Variants in ARMC2 observed in about 807,000 individuals in gnomAD.
The protein encoded by ARMC2 is armadillo repeat containing 2, also known as armadillo repeat-containing protein 2.
In ARMC2, 67 loss-of-function variants were observed where a neutral mutation model predicts 90.3. The observed-to-expected ratio is 0.74, with a 90% CI of 0.61 to 0.91. The LOEUF (loss-of-function observed/expected upper bound fraction) is 0.91. Ranked by LOEUF, ARMC2 falls within the 40% of genes least tolerant of loss-of-function variation. The pLI is 0.00. For missense variants in ARMC2, 920 were observed against 1,030.9 expected (o/e 0.89, Z 1.47); for synonymous variants, 393 against 393.0 (o/e 1.00, Z 0.00).
the ARMC2 span, among the ~76,000 whole-genome samples, chr6:109,032,377 G>A: frequency 1.3e-5 from 2 of 152,180 alleles, no homozygotes; most frequent in East Asian, 3.9e-4. Flanking sequence ...CCAGCACTTT[G>A]GGAGGCCGAG....
intron 10 of ARMC2, among the ~76,000 whole-genome samples, chr6:108,915,522 G>A (rs1041692406): frequency 1.3e-5 from 2 of 152,122 alleles, no homozygotes; most frequent in Non-Finnish European, 2.9e-5. Context: ...GAGTCATCTT[G>A]TTTTCCAAAA....
chr6:109,028,310 T>C, the ARMC2 span, among the ~76,000 whole-genome samples: 4 of 152,262 alleles, frequency 2.6e-5, no homozygotes, highest in Non-Finnish European at 5.9e-5. Context: ...TGTATCTGAC[T>C]ATCTTCCCAC....
At chr6:108,932,775 G>T (rs751008235) in intron 11 of ARMC2, among the ~76,000 whole-genome samples, 5 of 151,916 alleles carry the variant, frequency 3.3e-5, no homozygotes, top group African/African-American at 1.2e-4. Context: ...TGATCTGCCC[G>T]CCTCGGCCTC....
At chr6:109,029,954 CA>C in the ARMC2 span, among the ~76,000 whole-genome samples, 1 of 152,198 alleles carries the variant, frequency 6.6e-6, no homozygotes, top group African/African-American at 2.4e-5. Flanking sequence ...GGTTCTTAGA[CA>C]TTATTAACAT....
the ARMC2 span, among the ~76,000 whole-genome samples, chr6:109,045,754 AT>A: frequency 2.0e-5 from 3 of 152,216 alleles, no homozygotes; most frequent in Non-Finnish European, 4.4e-5. Flanking sequence ...ACTTACTAGT[AT>A]ATACCATAAC....
chr6:108,865,778 G>A (rs973608455), intron 3 of ARMC2, among the ~76,000 whole-genome samples: 3 of 151,982 alleles, frequency 2.0e-5, no homozygotes, highest in African/African-American at 7.2e-5. Context: ...CAGCACTTTG[G>A]GAGGCCAAGG....
chr6:109,013,581 G>T, the ARMC2 span, among the ~76,000 whole-genome samples: 1 of 152,176 alleles, frequency 6.6e-6, no homozygotes, highest in Non-Finnish European at 1.5e-5. Context: ...AGGTTAAAAG[G>T]CATAATCATA....
the ARMC2 span, among the ~76,000 whole-genome samples, chr6:109,037,144 A>G: frequency 1.3e-5 from 2 of 152,250 alleles, no homozygotes; most frequent in Admixed American, 6.5e-5. Flanking sequence ...CCATAAGTCC[A>G]GAAAAACAAG....
At chr6:108,889,681 G>A (rs1415824858) in intron 5 of ARMC2, among the ~76,000 whole-genome samples, 3 of 151,324 alleles carry the variant, frequency 2.0e-5, no homozygotes, top group Non-Finnish European at 2.9e-5. Context: ...ACTCCTAGGT[G>A]CAAGTGATCG....
intron 4 of ARMC2, among the ~76,000 whole-genome samples, chr6:108,870,633 A>G (rs556866447): frequency 1.3e-5 from 2 of 152,182 alleles, no homozygotes; most frequent in South Asian, 4.1e-4. Flanking sequence ...GGAGGGAGGA[A>G]GGAAGGAAGA....
chr6:108,985,854 A>ATAAG, the ARMC2 span, among the ~76,000 whole-genome samples: 205 of 152,360 alleles, frequency 1.3e-3, 2 homozygotes, highest in African/African-American at 4.7e-3. Context: ...TAATGCACTT[A>ATAAG]TAAGTAAGTT....
the ARMC2 span, among the ~76,000 whole-genome samples, chr6:109,000,919 T>C: frequency 6.6e-6 from 1 of 152,188 alleles, no homozygotes; most frequent in Non-Finnish European, 1.5e-5. Context: ...TTTATCTATA[T>C]ACTTTCAGAA....
intron 8 of ARMC2, among the ~76,000 whole-genome samples, chr6:108,904,770 G>A (rs939547184): frequency 1.3e-5 from 2 of 152,172 alleles, no homozygotes; most frequent in African/African-American, 4.8e-5. Context: ...GTAGCAGATG[G>A]TGCAGGCAGT....
chr6:109,011,710 CCTTGACCT>C, the ARMC2 span, among the ~76,000 whole-genome samples: 4 of 151,312 alleles, frequency 2.6e-5, no homozygotes, highest in South Asian at 8.3e-4. Context: ...TTCACTGCAG[CCTTGACCT>C]CCAGGGCTCA....
chr6:108,854,436 G>A lies in ARMC2; in HGVS notation c.169G>A (p.Gly57Arg), dbSNP rs371814066. The change falls in exon 2 of 18, where the codon GGA (glycine) becomes AGA (arginine). Residue 57 changes from glycine to arginine, a missense_variant. Gly to Arg is a moderately radical substitution (Grantham distance 125, BLOSUM62 -2). Transcript: ENST00000392644. ...ACAGGAGGCTCAAAGAAAACTATTC[G>A]GACCTGCATCCTCAAGAACATCAGA... Reference protein sequence around the residue: ...TPQEAQRKLFGPASSRTSENR... With the variant: ...TPQEAQRKLFRPASSRTSENR... 20 of 1,613,460 alleles carry A rather than the reference G, an allele frequency of 1.2e-5. No individual in the cohort carries two copies. The highest frequency in any genetic ancestry group is 2.2e-5 in the East Asian group (1 of 44,798).
At chr6:109,038,658 G>A in the ARMC2 span, among the ~76,000 whole-genome samples, 6 of 152,336 alleles carry the variant, frequency 3.9e-5, no homozygotes, top group African/African-American at 1.2e-4. Flanking sequence ...CTCTGAGTGG[G>A]ATGTGGGACA....
rs185318863 is a variant in ARMC2 at position 108,925,715 on chromosome 6, G to T, written c.1351-2373G>T. ...CTCTGCTTGAGCAACTAGGTTGATG[G>T]TGTCATCTATTGAGCTATTGCTGTG... On this transcript the variant is annotated intron_variant, in intron 10 of 17. Coordinates refer to ENST00000392644, the MANE Select transcript of ARMC2 (RefSeq NM_032131.6). Among the ~76,000 whole-genome samples the T allele has an allele frequency of 8.5e-5, 13 of 152,296 alleles. 1 individual carries two copies. The East Asian group carries it at 2.5e-3, about 29-fold the overall frequency.
At chr6:108,863,875 A>T (rs922420475) in intron 3 of ARMC2, among the ~76,000 whole-genome samples, 1 of 152,174 alleles carries the variant, frequency 6.6e-6, no homozygotes, top group Non-Finnish European at 1.5e-5. Flanking sequence ...ATCCGCCACC[A>T]TGGCCCCTCT....
At chr6:108,904,478 A>AT in intron 8 of ARMC2, 73 bp downstream of exon 8, 1 of 1,323,528 alleles carries the variant, frequency 7.6e-7, no homozygotes, top group Non-Finnish European at 1.0e-6. Context: ...ATTTTTAAAT[A>AT]TTACAAAGAA....
Sources: allele counts gnomAD v4.1 joint callset (sites outside exome capture counted in the v4.1 genomes callset), GRCh38; gene constraint gnomAD v4.1.1; transcripts MANE v1.5; gene names NCBI Gene and HGNC (gene_info 2026-07-23, HGNC 2026-07-21).